Variants in TACR3 observed in about 807,000 individuals in gnomAD.
TACR3 encodes the protein neuromedin-K receptor.
Under a neutral mutation model 35.0 loss-of-function variants are expected in TACR3, and 34 were observed. The observed-to-expected ratio is 0.97, with a 90% CI of 0.74 to 1.30. The LOEUF (loss-of-function observed/expected upper bound fraction) is 1.30. Ranked by LOEUF, TACR3 falls within the 50% of genes most tolerant of loss-of-function variation. The pLI is 0.00. For synonymous variants in TACR3, 233 were observed against 221.1 expected, an observed-to-expected ratio of 1.05 and a Z score of -0.48; for missense variants, 558 against 591.7, an observed-to-expected ratio of 0.94 and a Z score of 0.59.
intron 1 of TACR3, among the ~76,000 whole-genome samples, chr4:103,679,811 G>C (rs963054264): frequency 6.6e-6 from 1 of 151,728 alleles, no homozygotes; most frequent in African/African-American, 2.4e-5. Context: ...CTCTCCATTG[G>C]CAGATAAATA....
At position 103,589,014 on chromosome 4, in the gene TACR3, C is replaced by T. The variant is rs1723833989; in HGVS notation, c.*668G>A. The T allele has an allele frequency of 6.6e-6, 1 of 151,948 alleles. No homozygotes were observed. Among genetic ancestry groups the T allele is most frequent in the Non-Finnish European group, 1.5e-5 (1 of 67,942 alleles). 9.4% of individuals were successfully genotyped at this position (151,948 alleles called of 1,614,324 possible). A position where few individuals can be genotyped will look rare whatever the true frequency, so the allele number is the denominator to read the frequency against. ...AAGTATATAATTTTTTAAAATTTCA[C>T]TTTCTCAGAAAAAAAATCAAGAGAA... On this transcript the variant is annotated 3_prime_UTR_variant, in exon 5 of 5. Coordinates refer to ENST00000304883, the MANE Select transcript of TACR3 (RefSeq NM_001059.3).
chr4:103,641,503 C>T (rs1469858634), intron 3 of TACR3, among the ~76,000 whole-genome samples: 1 of 151,750 alleles, frequency 6.6e-6, no homozygotes, highest in Non-Finnish European at 1.5e-5. Context: ...AAAAGGGAAC[C>T]CTTCCTTGTA....
intron 1 of TACR3, among the ~76,000 whole-genome samples, chr4:103,673,884 T>C (rs1468295022): frequency 1.3e-5 from 2 of 152,236 alleles, no homozygotes; most frequent in Non-Finnish European, 1.5e-5. Context: ...TAATTAGCTA[T>C]ACATGATACT....
intron 1 of TACR3, among the ~76,000 whole-genome samples, chr4:103,675,898 C>G (rs746501545): frequency 6.6e-6 from 1 of 152,114 alleles, no homozygotes; most frequent in African/African-American, 2.4e-5. Flanking sequence ...AGGAGTAGAT[C>G]TGAACCGAAA....
At chr4:103,654,213 T>C (rs1395134723) in intron 3 of TACR3, among the ~76,000 whole-genome samples, 5 of 151,524 alleles carry the variant, frequency 3.3e-5, no homozygotes, top group Admixed American at 1.3e-4. Context: ...ACCCAAAGGA[T>C]TATAAATCAT....
chr4:103,636,002 C>T (rs560887985), intron 3 of TACR3, among the ~76,000 whole-genome samples: 1 of 152,048 alleles, frequency 6.6e-6, no homozygotes, highest in Admixed American at 6.6e-5. Flanking sequence ...CTCTCATAGG[C>T]ACACACAAAA....
chr4:103,682,724 T>TG (rs1722128205), intron 1 of TACR3, among the ~76,000 whole-genome samples: 1 of 152,088 alleles, frequency 6.6e-6, no homozygotes, highest in Non-Finnish European at 1.5e-5. Context: ...ACAACTTAGC[T>TG]GGGTCCTCTC....
intron 3 of TACR3, among the ~76,000 whole-genome samples, chr4:103,640,831 T>C (rs1029452889): frequency 1.3e-5 from 2 of 151,978 alleles, no homozygotes; most frequent in Non-Finnish European, 2.9e-5. Context: ...TCTTCCAGTG[T>C]GGCACAGGGA....
intron 1 of TACR3, among the ~76,000 whole-genome samples, chr4:103,706,233 A>G (rs1578266082): frequency 1.3e-5 from 2 of 152,284 alleles, no homozygotes; most frequent in Middle Eastern, 3.4e-3. Context: ...CAGACATCCA[A>G]GTAGAAATGT....
chr4:103,622,610 T>A lies in TACR3; in HGVS notation c.889-30927A>T, dbSNP rs1480042096. 3.3e-5 allele frequency among the ~76,000 whole-genome samples: 5 copies of A among 152,232 alleles called. No individual in the cohort carries two copies. The South Asian group carries it at 1.0e-3, about 32-fold the overall frequency. ...CAGGCGTGGCAGCGTGTGCCTGTAG[T>A]CCCAGCTGCTGGGGAGGCTGAGGCA... On this transcript the variant is annotated intron_variant, in intron 3 of 4. Coordinates refer to ENST00000304883, the MANE Select transcript of TACR3 (RefSeq NM_001059.3).
intron 3 of TACR3, among the ~76,000 whole-genome samples, chr4:103,652,190 A>G (rs936134164): frequency 6.6e-6 from 1 of 152,054 alleles, no homozygotes; most frequent in Admixed American, 6.6e-5. Context: ...TGTGGCCTAT[A>G]CTGCATTTAA....
intron 3 of TACR3, among the ~76,000 whole-genome samples, chr4:103,653,156 C>T (rs1354035750): frequency 6.6e-6 from 1 of 151,972 alleles, no homozygotes; most frequent in African/African-American, 2.4e-5. Flanking sequence ...AAGAGGAAGA[C>T]ATATAAACTG....
chr4:103,607,701 T>C (rs191415136), intron 3 of TACR3, among the ~76,000 whole-genome samples: 94 of 152,162 alleles, frequency 6.2e-4, no homozygotes, highest in Non-Finnish European at 1.1e-3. Context: ...TTTAATGCCA[T>C]GGGAATGAAT....
At chr4:103,617,389 A>G (rs1042721208) in intron 3 of TACR3, among the ~76,000 whole-genome samples, 1 of 152,240 alleles carries the variant, frequency 6.6e-6, no homozygotes, top group African/African-American at 2.4e-5. Context: ...TTATGTAAAT[A>G]CTTGATAAAA....
intron 3 of TACR3, among the ~76,000 whole-genome samples, chr4:103,602,983 A>G (rs2110292081): frequency 6.6e-6 from 1 of 152,344 alleles, no homozygotes; most frequent in African/African-American, 2.4e-5. Context: ...GCCCTACACC[A>G]AGAGGTGGAG....
chr4:103,669,188 AT>A (rs1354946078), intron 1 of TACR3, among the ~76,000 whole-genome samples: 3 of 152,072 alleles, frequency 2.0e-5, no homozygotes, highest in Admixed American at 2.0e-4. Context: ...TGTATCTATT[AT>A]TAAAAATAAT....
chr4:103,679,863 A>T (rs142950443), intron 1 of TACR3, among the ~76,000 whole-genome samples: 1 of 152,036 alleles, frequency 6.6e-6, no homozygotes, highest in African/African-American at 2.4e-5. Flanking sequence ...GGTACACTGG[A>T]ACTACATAGA....
At chr4:103,716,215 T>G (rs1470148815) in intron 1 of TACR3, among the ~76,000 whole-genome samples, 2 of 143,234 alleles carry the variant, frequency 1.4e-5, no homozygotes, top group East Asian at 4.1e-4. Context: ...TAATTTTATC[T>G]TGTGTGTGTG....
At position 103,601,115 on chromosome 4, in the gene TACR3, G is replaced by A. The variant is rs547474295; in HGVS notation, c.889-9432C>T. ...CTAAGTCTCTTTGTTGGTCGCTAAGGACTTGCTTTATGAATCTGGGTGCTC... is the reference window on the plus strand; with the variant it reads ...CTAAGTCTCTTTGTTGGTCGCTAAGAACTTGCTTTATGAATCTGGGTGCTC... On this transcript the variant is annotated intron_variant, in intron 3 of 4. Coordinates refer to ENST00000304883, the MANE Select transcript of TACR3 (RefSeq NM_001059.3). Among the ~76,000 whole-genome samples the A allele has an allele frequency of 3.3e-5, 5 of 152,204 alleles. No individual in the cohort carries two copies. In the East Asian group the frequency reaches 9.7e-4, roughly 29 times the overall value.
Sources: allele counts gnomAD v4.1 joint callset (sites outside exome capture counted in the v4.1 genomes callset), GRCh38; gene constraint gnomAD v4.1.1; transcripts MANE v1.5; gene names NCBI Gene and HGNC (gene_info 2026-07-23, HGNC 2026-07-21).